SLC19A3: variants seen among roughly 807,000 people sequenced by gnomAD.
SLC19A3 encodes the protein solute carrier family 19 member 3.
Under a neutral mutation model 40.2 loss-of-function variants are expected in SLC19A3, and 31 were observed. The observed-to-expected ratio is 0.77, with a 90% confidence interval of 0.58 to 1.04. SLC19A3 has a LOEUF of 1.04. Ranked by LOEUF, SLC19A3 falls within the 50% of genes least tolerant of loss-of-function variation. The pLI is 0.00. For synonymous variants in SLC19A3, 212 were observed against 227.5 expected (o/e 0.93, Z 0.61); for missense variants, 592 against 596.7 (o/e 0.99, Z 0.08).
intron 1 of SLC19A3, chr2:227,703,000 A>T (rs2106333520): frequency 6.5e-6 from 1 of 152,712 alleles, no homozygotes; most frequent in African/African-American, 2.4e-5. Flanking sequence ...AGAGGAGCAT[A>T]TGGAAGATCC....
intron 2 of SLC19A3, among the ~76,000 whole-genome samples, chr2:227,700,166 C>G (rs1406893099): frequency 6.6e-6 from 1 of 151,934 alleles, no homozygotes; most frequent in Admixed American, 6.6e-5. Flanking sequence ...CGTGAGCCAC[C>G]GTGCCCGGCC....
At chr2:227,708,530 G>A (rs543213835) in intron 1 of SLC19A3, among the ~76,000 whole-genome samples, 1 of 151,898 alleles carries the variant, frequency 6.6e-6, no homozygotes, top group Admixed American at 6.6e-5. Flanking sequence ...GCCCAGGAGA[G>A]CCTGGCAACA....
intron 1 of SLC19A3, among the ~76,000 whole-genome samples, chr2:227,705,840 C>G (rs1048932869): frequency 1.3e-5 from 2 of 152,050 alleles, no homozygotes; most frequent in Non-Finnish European, 2.9e-5. Flanking sequence ...CCTGCACATC[C>G]TGCACATGTA....
intron 1 of SLC19A3, among the ~76,000 whole-genome samples, chr2:227,716,045 G>A (rs1346862290): frequency 2.0e-5 from 3 of 151,818 alleles, no homozygotes; most frequent in Non-Finnish European, 4.4e-5. Flanking sequence ...GAGATGCAGT[G>A]AAAGTTTCTG....
chr2:227,710,732 A>T (rs546474870), intron 1 of SLC19A3, among the ~76,000 whole-genome samples: 12 of 152,328 alleles, frequency 7.9e-5, no homozygotes, highest in African/African-American at 2.9e-4. Context: ...GTCATTATGA[A>T]TAAAAAGACA....
chr2:227,699,653 G>C (rs781720617), intron 2 of SLC19A3, 89 bp from the exon 3 acceptor site: 2 of 1,067,702 alleles, frequency 1.9e-6, no homozygotes, highest in Non-Finnish European at 1.4e-6. Flanking sequence ...CCTCCAATTG[G>C]AAATTATTCG....
intron 1 of SLC19A3, among the ~76,000 whole-genome samples, chr2:227,710,715 A>G (rs978883274): frequency 9.2e-5 from 14 of 152,178 alleles, no homozygotes; most frequent in African/African-American, 2.7e-4. Context: ...ACACGTTATC[A>G]AAGAGGGTCA....
At chr2:227,717,487 T>C (rs918658933) in intron 1 of SLC19A3, among the ~76,000 whole-genome samples, 50 of 152,208 alleles carry the variant, frequency 3.3e-4, no homozygotes, top group African/African-American at 1.2e-3. Flanking sequence ...TGCGTTTTCT[T>C]TTAGTTTCAA....
intron 3 of SLC19A3, among the ~76,000 whole-genome samples, chr2:227,698,414 G>T (rs1274832903): frequency 6.6e-6 from 1 of 151,970 alleles, no homozygotes; most frequent in Non-Finnish European, 1.5e-5. Flanking sequence ...GCCAGCCTCG[G>T]CCTCCCAAAG....
At chr2:227,704,699 G>A (rs1168503184) in intron 1 of SLC19A3, among the ~76,000 whole-genome samples, 1 of 152,106 alleles carries the variant, frequency 6.6e-6, no homozygotes, top group East Asian at 1.9e-4. Context: ...GAGGCAGGAG[G>A]GTCACTTGAG....
At chr2:227,691,291 T>C (rs1252959006) in intron 4 of SLC19A3, among the ~76,000 whole-genome samples, 2 of 152,136 alleles carry the variant, frequency 1.3e-5, no homozygotes, top group East Asian at 3.8e-4. Flanking sequence ...GGGAAGTTTA[T>C]AGTTACAAGT....
At chr2:227,711,272 T>C (rs1559258907) in intron 1 of SLC19A3, among the ~76,000 whole-genome samples, 1 of 151,678 alleles carries the variant, frequency 6.6e-6, no homozygotes, top group Admixed American at 6.6e-5. Context: ...ACAAAAGAAT[T>C]AGCTGGGCAT....
chr2:227,695,838 C>T (rs1695407850), intron 4 of SLC19A3, 51 bp downstream of exon 4: 2 of 1,561,334 alleles, frequency 1.3e-6, no homozygotes, highest in East Asian at 2.2e-5. Context: ...TTTAGAAAGA[C>T]AGAAGAGAGA....
chr2:227,702,232 T>A lies in SLC19A3; in HGVS notation c.87A>T (p.Arg29Ser), dbSNP rs1351230521. 6.2e-7 allele frequency: 1 copy of A among 1,613,868 alleles called. No individual in the cohort carries two copies. The highest frequency in any genetic ancestry group is 8.5e-7 in the Non-Finnish European group (1 of 1,179,808). The change falls in exon 2 of 6, where the codon AGA becomes AGT. Residue 29 changes from arginine (R) to serine (S), a missense_variant. By Grantham distance (110) the Arg-to-Ser change is moderately radical. Transcript: ENST00000644224. ...LCLFGFFSMM[R>S]PSEPFLIPYL... ...ATGGGATAAGGAATGGTTCTGAGGG[T>A]CTCATCATGGAGAAAAAACCAAATA...
At chr2:227,713,043 T>C (rs1378420382) in intron 1 of SLC19A3, among the ~76,000 whole-genome samples, 1 of 152,152 alleles carries the variant, frequency 6.6e-6, no homozygotes, top group African/African-American at 2.4e-5. Flanking sequence ...ACTTATAATA[T>C]ACATTTTCTT....
chr2:227,698,942 G>C lies in SLC19A3; in HGVS notation c.773C>G (p.Thr258Ser). The C allele has an allele frequency of 6.2e-7, 1 of 1,614,146 alleles. No individual in the cohort carries two copies. Among genetic ancestry groups the C allele is most frequent in the Non-Finnish European group, 8.5e-7 (1 of 1,180,020 alleles). ...GAACCACTGCACAAAAACGTCCACA[G>C]TCACATTGCTTGGTTTCAGGCTGTT... ...QLNSLKPSNV[T>S]VDVFVQWFQD... is the part of the protein sequence containing the mutation. The change falls in exon 3 of 6, where the codon ACT becomes AGT. Residue 258 changes from threonine to serine, a missense_variant. Coordinates refer to ENST00000644224, the MANE Select transcript of SLC19A3 (RefSeq NM_025243.4).
chr2:227,702,213 T>C lies in SLC19A3; in HGVS notation c.106A>G (p.Ile36Val), dbSNP rs372637185. 42 of 1,613,640 alleles carry C rather than the reference T, an allele frequency of 2.6e-5. No individual in the cohort carries two copies. In the African/African-American group the frequency reaches 5.1e-4, roughly 20 times the overall value. ...TTATCTGGTCCAGATAAATATGGGA[T>C]AAGGAATGGTTCTGAGGGTCTCATC... ...SMMRPSEPFLIPYLSGPDKNL... is the reference protein window; with the variant it reads ...SMMRPSEPFLVPYLSGPDKNL... The change falls in exon 2 of 6, where the codon ATC becomes GTC. Residue 36 changes from isoleucine to valine, a missense_variant. By Grantham distance (29) the Ile-to-Val change is conservative (BLOSUM62 3). Transcript: ENST00000644224.
Position 227,686,959 on chromosome 2 carries a change from G to T in SLC19A3, c.*438C>A, listed in dbSNP as rs962186958. ...AGAAAATGGTTCATGTGACACAAAG[G>T]TCCCATGTGTTGACTTCTTTGGTAA... On this transcript the variant is annotated 3_prime_UTR_variant, in exon 6 of 6. Transcript: ENST00000644224. 5 of 155,258 alleles carry T rather than the reference G, an allele frequency of 3.2e-5. No homozygotes were observed. The highest frequency in any genetic ancestry group is 1.2e-4 in the African/African-American group (5 of 41,448). The allele number at this position is 155,258 out of a possible 1,614,324, so 9.6% of individuals were successfully genotyped here.
intron 1 of SLC19A3, among the ~76,000 whole-genome samples, chr2:227,716,759 G>T (rs753783145): frequency 2.6e-5 from 4 of 152,066 alleles, no homozygotes; most frequent in Non-Finnish European, 4.4e-5. Flanking sequence ...TTAAATAAAT[G>T]TGTATGCATT....
Sources: allele counts gnomAD v4.1 joint callset (sites outside exome capture counted in the v4.1 genomes callset), GRCh38; gene constraint gnomAD v4.1.1; transcripts MANE v1.5; gene names NCBI Gene and HGNC (gene_info 2026-07-23, HGNC 2026-07-21).